The following PTPRR variants were observed in gnomAD, a reference collection of about 807,000 sequenced individuals.
PTPRR encodes receptor-type tyrosine-protein phosphatase R.
PTPRR carries 38 observed loss-of-function variants against 77.2 expected under a neutral mutation model. That is an observed-to-expected ratio of 0.49 (90% CI 0.38 to 0.65). The LOEUF (loss-of-function observed/expected upper bound fraction) is 0.65, where lower values mean the gene tolerates loss of function less well. PTPRR is among the 30% of genes least tolerant of loss of function. The pLI is 0.00. For missense variants in PTPRR, 744 were observed against 799.2 expected (o/e 0.93, Z 0.83); for synonymous variants, 299 against 283.1 (o/e 1.06, Z -0.57).
intron 2 of PTPRR, among the ~76,000 whole-genome samples, chr12:70,801,165 T>C (rs1891608502): frequency 1.3e-5 from 2 of 152,174 alleles, no homozygotes; most frequent in African/African-American, 4.8e-5. Flanking sequence ...AACTAGGCAG[T>C]TCCTTTATAT....
chr12:70,710,077 G>C (rs1888768987), intron 6 of PTPRR, among the ~76,000 whole-genome samples: 1 of 151,924 alleles, frequency 6.6e-6, no homozygotes, highest in South Asian at 2.1e-4. Context: ...GAACCAAAAA[G>C]GAGCCCAAAT....
At chr12:70,842,390 G>A (rs541332176) in intron 2 of PTPRR, among the ~76,000 whole-genome samples, 1 of 152,150 alleles carries the variant, frequency 6.6e-6, no homozygotes, top group East Asian at 1.9e-4. Flanking sequence ...CATGCATGTT[G>A]GTTTCCTGTG....
chr12:70,898,604 G>T (rs1893477117), intron 1 of PTPRR, among the ~76,000 whole-genome samples: 1 of 149,816 alleles, frequency 6.7e-6, no homozygotes, highest in South Asian at 2.1e-4. Context: ...TTTGTGGGAT[G>T]CAGTTGAAAC....
At chr12:70,653,673 T>C (rs1231307079) in intron 13 of PTPRR, among the ~76,000 whole-genome samples, 2 of 152,220 alleles carry the variant, frequency 1.3e-5, no homozygotes, top group African/African-American at 2.4e-5. Flanking sequence ...ACCAGGCATT[T>C]CACATAGGTC....
At chr12:70,738,197 C>A (rs1157405546) in intron 6 of PTPRR, among the ~76,000 whole-genome samples, 1 of 152,176 alleles carries the variant, frequency 6.6e-6, no homozygotes. Context: ...CCTTTAGACT[C>A]ACAATCCTGG....
At chr12:70,651,168 C>T (rs1012845207) in intron 13 of PTPRR, among the ~76,000 whole-genome samples, 3 of 152,194 alleles carry the variant, frequency 2.0e-5, no homozygotes, top group Non-Finnish European at 2.9e-5. Context: ...CTCGCCATGG[C>T]GTGTCCAGCA....
chr12:70,791,375 C>T (rs189171861), intron 2 of PTPRR, among the ~76,000 whole-genome samples: 8 of 152,274 alleles, frequency 5.3e-5, no homozygotes, highest in African/African-American at 1.9e-4. Flanking sequence ...GGGCTAACTC[C>T]CTCCCTTCAT....
chr12:70,678,883 T>A (rs1197009740), intron 10 of PTPRR, among the ~76,000 whole-genome samples: 1 of 152,112 alleles, frequency 6.6e-6, no homozygotes, highest in Non-Finnish European at 1.5e-5. Flanking sequence ...GGTTTCACCA[T>A]GTTGGCCAGG....
intron 1 of PTPRR, among the ~76,000 whole-genome samples, chr12:70,909,192 C>T (rs1893665758): frequency 6.6e-6 from 1 of 152,130 alleles, no homozygotes; most frequent in Admixed American, 6.5e-5. Flanking sequence ...ATCCTGCACC[C>T]ACTGGGAATT....
At chr12:70,656,597 G>A (rs1475846310) in intron 13 of PTPRR, 107 bp downstream of exon 13, 3 of 760,876 alleles carry the variant, frequency 3.9e-6, no homozygotes, top group Non-Finnish European at 6.8e-6. Flanking sequence ...CATCTCTACA[G>A]AGATTTAGGA....
At chr12:70,897,183 C>T (rs1180916383) in intron 1 of PTPRR, among the ~76,000 whole-genome samples, 2 of 151,924 alleles carry the variant, frequency 1.3e-5, no homozygotes, top group African/African-American at 4.8e-5. Context: ...AGCTTCTGCA[C>T]AGCAAAAGAA....
At chr12:70,669,095 CATA>C (rs965718869) in intron 10 of PTPRR, among the ~76,000 whole-genome samples, 3 of 152,098 alleles carry the variant, frequency 2.0e-5, no homozygotes, top group African/African-American at 7.2e-5. Context: ...GGAGAATACT[CATA>C]ATGTTAAAAG....
chr12:70,782,699 A>G (rs988889557), intron 2 of PTPRR, among the ~76,000 whole-genome samples: 1 of 145,118 alleles, frequency 6.9e-6, no homozygotes, highest in Admixed American at 6.9e-5. Context: ...GGGTGGGGGG[A>G]GTGGGGAGGG....
intron 2 of PTPRR, among the ~76,000 whole-genome samples, chr12:70,868,715 C>G (rs548365897): frequency 0.01 from 1,547 of 152,162 alleles, 28 homozygotes; most frequent in African/African-American, 0.036. Context: ...ATAAATCATG[C>G]TGCTATAAAG....
chr12:70,690,549 A>T (rs944733998), intron 8 of PTPRR, among the ~76,000 whole-genome samples: 8 of 152,244 alleles, frequency 5.3e-5, no homozygotes, highest in African/African-American at 1.9e-4. Context: ...ATTAGAATGC[A>T]CGCAGTGATT....
At chr12:70,735,173 C>T (rs936386927) in intron 6 of PTPRR, among the ~76,000 whole-genome samples, 1 of 152,152 alleles carries the variant, frequency 6.6e-6, no homozygotes, top group East Asian at 1.9e-4. Context: ...CCTCCCTCAG[C>T]TCTGGACATC....
At chr12:70,814,567 A>T (rs1016671252) in intron 2 of PTPRR, among the ~76,000 whole-genome samples, 1 of 152,118 alleles carries the variant, frequency 6.6e-6, no homozygotes, top group African/African-American at 2.4e-5. Flanking sequence ...CTTATAGTGG[A>T]GATCCTGAAC....
chr12:70,642,537 A>G (rs528241679), intron 13 of PTPRR, among the ~76,000 whole-genome samples: 22 of 152,320 alleles, frequency 1.4e-4, no homozygotes, highest in African/African-American at 4.8e-4. Flanking sequence ...AGTTGATATC[A>G]TGATATATAC....
At chr12:70,653,283 T>G (rs945599491) in intron 13 of PTPRR, among the ~76,000 whole-genome samples, 1 of 152,066 alleles carries the variant, frequency 6.6e-6, no homozygotes, top group South Asian at 2.1e-4. Context: ...CCCTAAAATT[T>G]GAAGTGAAGC....
Sources: allele counts gnomAD v4.1 joint callset (sites outside exome capture counted in the v4.1 genomes callset), GRCh38; gene constraint gnomAD v4.1.1; transcripts MANE v1.5; gene names NCBI Gene and HGNC (gene_info 2026-07-23, HGNC 2026-07-21).